The following SUMF1 variants were observed in gnomAD, a reference collection of about 807,000 sequenced individuals.
SUMF1 encodes formylglycine-generating enzyme.
A neutral mutation model predicts 47.6 loss-of-function variants in SUMF1; 48 were observed. That is an observed-to-expected ratio of 1.01 (90% CI 0.80 to 1.28). The LOEUF (loss-of-function observed/expected upper bound fraction) is 1.28. Ranked by LOEUF, SUMF1 falls within the 50% of genes most tolerant of loss-of-function variation. The probability of loss-of-function intolerance (pLI) is 0.00; values close to 1 mark genes in which losing one functional copy is unlikely to be tolerated. For synonymous variants in SUMF1, 230 were observed against 192.1 expected (o/e 1.20, Z -1.63); for missense variants, 571 against 485.4 (o/e 1.18, Z -1.66).
intron 9 of SUMF1, among the ~76,000 whole-genome samples, chr3:4,053,294 C>T (rs981622687): frequency 6.6e-6 from 1 of 152,008 alleles, no homozygotes; most frequent in Non-Finnish European, 1.5e-5. Context: ...GGACATGGTT[C>T]GTGGCACCCC....
downstream of SUMF1, among the ~76,000 whole-genome samples, chr3:4,357,121 T>C (rs1242989904): frequency 6.6e-6 from 1 of 152,104 alleles, no homozygotes. Flanking sequence ...GCAGGTTAAC[T>C]CCCTTATGAG....
intron 8 of SUMF1, among the ~76,000 whole-genome samples, chr3:4,176,749 G>A (rs543059693): frequency 3.3e-5 from 5 of 152,000 alleles, no homozygotes; most frequent in Non-Finnish European, 5.9e-5. Context: ...CTGGCAAATT[G>A]GATAAAGAGT....
rs147579021 is a variant in SUMF1, at chr3:4,239,203, T to C, written c.1014+137127A>G. Among the ~76,000 whole-genome samples, 1,357 of 152,300 alleles carry C rather than the reference T, an allele frequency of 8.9e-3. 23 individuals carry two copies. The highest frequency in any genetic ancestry group is 0.031 in the African/African-American group (1,294 of 41,550). ...CCTTTTAATATAGTTTGAAGCCAGG[T>C]AGTGTGATGCCTCCAGCTTTGTTCT... On this transcript the variant is annotated intron_variant and NMD_transcript_variant, in intron 8 of 12. Coordinates refer to the SUMF1 transcript ENST00000448413.
intron 9 of SUMF1, among the ~76,000 whole-genome samples, chr3:4,065,111 T>G (rs757756669): frequency 7.2e-5 from 11 of 152,322 alleles, no homozygotes; most frequent in South Asian, 2.1e-4. Context: ...AATCAACTCC[T>G]GTTTACCTTG....
intron 8 of SUMF1, among the ~76,000 whole-genome samples, chr3:4,253,783 C>A (rs1490381330): frequency 1.4e-5 from 2 of 146,320 alleles, no homozygotes; most frequent in East Asian, 2.0e-4. Flanking sequence ...GCCTGCCTGC[C>A]TCTGTAGGCT....
intron 8 of SUMF1, among the ~76,000 whole-genome samples, chr3:4,135,846 G>C (rs765164412): frequency 3.3e-5 from 5 of 152,094 alleles, no homozygotes; most frequent in Non-Finnish European, 7.4e-5. Context: ...CAAACAGAGA[G>C]CCAAATCATC....
At chr3:4,128,559 C>T (rs1206974474) in intron 8 of SUMF1, among the ~76,000 whole-genome samples, 1 of 152,114 alleles carries the variant, frequency 6.6e-6, no homozygotes, top group Non-Finnish European at 1.5e-5. Flanking sequence ...TGTACATTCT[C>T]CTCAGGAGCC....
chr3:4,426,995 G>C (rs1702087831), intron 3 of SUMF1, among the ~76,000 whole-genome samples: 3 of 152,192 alleles, frequency 2.0e-5, no homozygotes, highest in Non-Finnish European at 4.4e-5. Flanking sequence ...AGAGAGCAAA[G>C]ACATGTTTCC....
chr3:4,321,556 C>T (rs80111236), intron 8 of SUMF1, among the ~76,000 whole-genome samples: 3,908 of 149,226 alleles, frequency 0.026, 255 homozygotes, highest in East Asian at 0.21. Context: ...ATTGTAAAAG[C>T]TCCCAGTGAC....
intron 8 of SUMF1, among the ~76,000 whole-genome samples, chr3:4,257,342 G>A (rs1213028919): frequency 2.3e-4 from 31 of 133,252 alleles, no homozygotes; most frequent in South Asian, 7.6e-4. Flanking sequence ...CAGATGACAT[G>A]ATTGTATATC....
intron 8 of SUMF1, among the ~76,000 whole-genome samples, chr3:4,253,365 T>C (rs1038352340): frequency 6.6e-6 from 1 of 152,188 alleles, no homozygotes; most frequent in African/African-American, 2.4e-5. Context: ...TTCATCTCAC[T>C]AGGGAGTGCC....
At chr3:4,449,851 C>T (rs1702910861) in intron 2 of SUMF1, among the ~76,000 whole-genome samples, 1 of 152,200 alleles carries the variant, frequency 6.6e-6, no homozygotes, top group South Asian at 2.1e-4. Flanking sequence ...TTTTATTTAA[C>T]ATTAGTGTCT....
intron 8 of SUMF1, among the ~76,000 whole-genome samples, chr3:4,202,826 C>T (rs1695569333): frequency 6.6e-6 from 1 of 151,902 alleles, no homozygotes; most frequent in Non-Finnish European, 1.5e-5. Flanking sequence ...TTAATTTCTT[C>T]ATTGGCCCAT....
At chr3:4,462,479 A>G (rs988927211) in intron 1 of SUMF1, among the ~76,000 whole-genome samples, 1 of 152,142 alleles carries the variant, frequency 6.6e-6, no homozygotes, top group African/African-American at 2.4e-5. Flanking sequence ...TTACTCTTGA[A>G]CTTCCCAACT....
chr3:4,235,971 C>G (rs974086453), intron 8 of SUMF1, among the ~76,000 whole-genome samples: 5 of 152,034 alleles, frequency 3.3e-5, no homozygotes, highest in African/African-American at 4.8e-5. Flanking sequence ...GAGACAGGGT[C>G]TGGCTCTGTC....
chr3:4,397,454 C>T (rs1701075285), intron 7 of SUMF1, among the ~76,000 whole-genome samples: 1 of 152,192 alleles, frequency 6.6e-6, no homozygotes, highest in South Asian at 2.1e-4. Context: ...CACTAGGGAT[C>T]TATCACATTC....
intron 3 of SUMF1, among the ~76,000 whole-genome samples, chr3:4,433,592 G>C (rs906194706): frequency 1.8e-4 from 28 of 152,186 alleles, no homozygotes; most frequent in Admixed American, 1.8e-3. Context: ...CCTTCACCCT[G>C]TTGACGGGGC....
intron 8 of SUMF1, among the ~76,000 whole-genome samples, chr3:4,276,781 T>C (rs569022564): frequency 2.0e-5 from 3 of 152,316 alleles, no homozygotes; most frequent in African/African-American, 7.2e-5. Context: ...CTTTCTTTAG[T>C]GGCTTTTTAT....
At chr3:4,152,538 C>T (rs1054083299) in intron 8 of SUMF1, among the ~76,000 whole-genome samples, 6 of 151,214 alleles carry the variant, frequency 4.0e-5, no homozygotes, top group South Asian at 2.1e-4. Context: ...AGTGATCCTC[C>T]CTCCTCAGCC....
Sources: gnomAD v4.1 joint callset for allele counts (sites outside exome capture counted in the v4.1 genomes callset) on GRCh38, gnomAD v4.1.1 for gene constraint, MANE v1.5 for transcripts, NCBI Gene and HGNC (gene_info 2026-07-23, HGNC 2026-07-21) for gene names.